The following SNX29 variants were observed in gnomAD, a reference collection of about 807,000 sequenced individuals.
SNX29 encodes sorting nexin-29.
A neutral mutation model predicts 102.1 loss-of-function variants in SNX29; 78 were observed. That is an observed-to-expected ratio of 0.76 (90% CI 0.64 to 0.92). SNX29 has a LOEUF of 0.92. Ranked by LOEUF, SNX29 falls within the 40% of genes least tolerant of loss-of-function variation. SNX29 has a pLI of 0.00. For synonymous variants in SNX29, 580 were observed against 414.5 expected, an observed-to-expected ratio of 1.40 and a Z score of -4.85; for missense variants, 1,280 against 1,061.7, an observed-to-expected ratio of 1.21 and a Z score of -2.86.
chr16:12,462,016 T>TACACACACACACACACAC (rs375061825), intron 18 of SNX29, among the ~76,000 whole-genome samples: 36 of 65,192 alleles, frequency 5.5e-4, no homozygotes, highest in African/African-American at 3.5e-3. Context: ...TATATATGTA[T>TACACACACACACACACAC]ACACACACAC....
intron 14 of SNX29, among the ~76,000 whole-genome samples, chr16:12,238,049 G>C (rs763596659): frequency 6.6e-4 from 101 of 152,342 alleles, no homozygotes; most frequent in Admixed American, 2.9e-3. Context: ...TGGGGGTTGA[G>C]GTTGGATAAG....
chr16:12,118,701 C>T (rs1225245302), intron 11 of SNX29, among the ~76,000 whole-genome samples: 1 of 152,156 alleles, frequency 6.6e-6, no homozygotes, highest in Admixed American at 6.5e-5. Flanking sequence ...CGACCCTCAC[C>T]TGAGTTACTG....
intron 20 of SNX29, among the ~76,000 whole-genome samples, chr16:12,529,881 C>T (rs562392133): frequency 6.6e-6 from 1 of 152,116 alleles, no homozygotes; most frequent in Non-Finnish European, 1.5e-5. Context: ...TTTTGACTTC[C>T]CTTGTTTTGT....
intron 13 of SNX29, among the ~76,000 whole-genome samples, chr16:12,184,010 C>T (rs150364056): frequency 2.0e-3 from 307 of 152,316 alleles, no homozygotes; most frequent in South Asian, 4.1e-3. Context: ...CAATGGGCCA[C>T]CGGCATCCCT....
chr16:12,519,435 G>T (rs766268205), intron 19 of SNX29, among the ~76,000 whole-genome samples: 1 of 152,144 alleles, frequency 6.6e-6, no homozygotes, highest in Non-Finnish European at 1.5e-5. Context: ...TTAAACACAG[G>T]CTAGGTCTTA....
chr16:12,242,227 C>T (rs908665570), intron 14 of SNX29, among the ~76,000 whole-genome samples: 7 of 151,836 alleles, frequency 4.6e-5, no homozygotes, highest in Admixed American at 3.3e-4. Context: ...TGGACTACAG[C>T]CTTGAACCCA....
Position 12,197,743 on chromosome 16 carries a change from C to T in SNX29, c.1596-1858C>T, listed in dbSNP as rs77396090. 1.2e-3 allele frequency among the ~76,000 whole-genome samples: 186 copies of T among 152,192 alleles called. 3 individuals are homozygous for T. In the East Asian group the frequency reaches 0.023, roughly 19 times the overall value. On this transcript the variant is annotated intron_variant, in intron 13 of 20. Transcript: ENST00000566228. ...CATCCATGACAGGCTTTGTCTAGGA[C>T]GAGGGGATAACTAAGGGACTCCCTT...
intron 11 of SNX29, among the ~76,000 whole-genome samples, chr16:12,102,480 C>T (rs1466617320): frequency 6.6e-6 from 1 of 152,194 alleles, no homozygotes; most frequent in Non-Finnish European, 1.5e-5. Flanking sequence ...GAGATGGTAT[C>T]TCATTGTGGT....
At chr16:12,537,939 C>A (rs117590993) in intron 20 of SNX29, among the ~76,000 whole-genome samples, 1 of 148,538 alleles carries the variant, frequency 6.7e-6, no homozygotes, top group East Asian at 2.0e-4. Flanking sequence ...GAGCTGAGAT[C>A]GTGCCACTGC....
intron 20 of SNX29, among the ~76,000 whole-genome samples, chr16:12,528,477 G>A (rs1369248977): frequency 6.6e-6 from 1 of 152,188 alleles, no homozygotes. Context: ...TGCAATTACA[G>A]GTGTGAGCCA....
chr16:12,456,497 AT>A (rs1017159244), intron 18 of SNX29, among the ~76,000 whole-genome samples: 1 of 145,756 alleles, frequency 6.9e-6, no homozygotes, highest in African/African-American at 2.6e-5. Context: ...ACTGGGTGGC[AT>A]GTGTGCACGT....
intron 19 of SNX29, among the ~76,000 whole-genome samples, chr16:12,498,568 C>T (rs923876722): frequency 1.3e-5 from 2 of 152,142 alleles, no homozygotes; most frequent in Non-Finnish European, 2.9e-5. Context: ...GTGCCAGCCA[C>T]TGAAAATACA....
Position 12,277,849 on chromosome 16 carries a change from AAAG to A in SNX29, c.1679-78_1679-76del, listed in dbSNP as rs1427043190. On this transcript the variant is annotated intron_variant, in intron 14 of 20. Coordinates refer to ENST00000566228, the MANE Select transcript of SNX29 (RefSeq NM_032167.5). The stretch of plus-strand genomic sequence containing the variant: ...CTTTTTCAGTCTGAAGTCATCTGAG[AAAG>A]AAGAATTTTTTCTTTTTTTACTGGG... 2.5e-6 allele frequency: 3 copies of A among 1,215,864 alleles called. No individual in the cohort carries two copies. In the African/African-American group the frequency reaches 4.6e-5, roughly 19 times the overall value. The allele number at this position is 1,215,864 out of a possible 1,614,324, so 75.3% of individuals were successfully genotyped here.
intron 18 of SNX29, among the ~76,000 whole-genome samples, chr16:12,450,732 G>A (rs1021116056): frequency 2.0e-5 from 3 of 152,214 alleles, no homozygotes; most frequent in African/African-American, 7.2e-5. Flanking sequence ...CATTGACCCA[G>A]AGAATTTAAG....
At chr16:12,159,483 C>G (rs182346165) in intron 13 of SNX29, among the ~76,000 whole-genome samples, 512 of 152,274 alleles carry the variant, frequency 3.4e-3, no homozygotes, top group Non-Finnish European at 5.2e-3. Context: ...GAAGTTTCAC[C>G]AAAGGATTTT....
intron 13 of SNX29, among the ~76,000 whole-genome samples, chr16:12,144,557 C>G (rs1265125334): frequency 6.6e-6 from 1 of 152,204 alleles, no homozygotes; most frequent in African/African-American, 2.4e-5. Flanking sequence ...TTACTGCCTT[C>G]TGACCTATGA....
At chr16:12,380,709 A>C in intron 16 of SNX29, among the ~76,000 whole-genome samples, 1 of 73,140 alleles carries the variant, frequency 1.4e-5, no homozygotes, top group Non-Finnish European at 2.5e-5. Context: ...CCCACCAACC[A>C]TCAATTCCAT....
chr16:12,389,604 A>T (rs1487283922), intron 16 of SNX29, among the ~76,000 whole-genome samples: 2 of 152,186 alleles, frequency 1.3e-5, no homozygotes, highest in Non-Finnish European at 2.9e-5. Context: ...GAACAGATTA[A>T]TACAAGAACA....
At chr16:12,488,156 A>G (rs1229570092) in intron 19 of SNX29, among the ~76,000 whole-genome samples, 1 of 152,176 alleles carries the variant, frequency 6.6e-6, no homozygotes, top group African/African-American at 2.4e-5. Context: ...AATTAAGGTC[A>G]TTTATAGACA....
Sources: gnomAD v4.1 joint callset for allele counts (sites outside exome capture counted in the v4.1 genomes callset) on GRCh38, gnomAD v4.1.1 for gene constraint, MANE v1.5 for transcripts, NCBI Gene and HGNC (gene_info 2026-07-23, HGNC 2026-07-21) for gene names.